The following CDH10 variants were observed in gnomAD, a reference collection of about 807,000 sequenced individuals.
CDH10 encodes the protein cadherin 10.
In CDH10, 30 loss-of-function variants were observed where a neutral mutation model predicts 73.1. The ratio of observed to expected loss-of-function variants is 0.41; its 90% CI spans 0.31 to 0.56. CDH10 has a LOEUF of 0.56. CDH10 is among the 20% of genes least tolerant of loss of function. The pLI, the probability that CDH10 is intolerant of heterozygous loss-of-function variation, is 0.27. For synonymous variants in CDH10, 345 were observed against 348.2 expected, an observed-to-expected ratio of 0.99 and a Z score of 0.10; for missense variants, 815 against 973.7, an observed-to-expected ratio of 0.84 and a Z score of 2.17.
chr5:24,637,208 A>G (rs1747893809), intron 1 of CDH10, among the ~76,000 whole-genome samples: 2 of 151,920 alleles, frequency 1.3e-5, no homozygotes, highest in Admixed American at 1.3e-4. Context: ...TGTCTTCCCA[A>G]GTTTGTCTTT....
intron 1 of CDH10, among the ~76,000 whole-genome samples, chr5:24,596,308 C>A (rs1325093870): frequency 6.6e-6 from 1 of 151,668 alleles, no homozygotes; most frequent in African/African-American, 2.4e-5. Context: ...CCAAGTGTAC[C>A]TTTTACATGG....
chr5:24,615,772 T>C (rs1747104658), intron 1 of CDH10, among the ~76,000 whole-genome samples: 1 of 152,170 alleles, frequency 6.6e-6, no homozygotes, highest in Admixed American at 6.5e-5. Context: ...TTCATAGAAA[T>C]TAAATCATAT....
intron 9 of CDH10, among the ~76,000 whole-genome samples, chr5:24,498,133 G>T (rs541806280): frequency 2.2e-4 from 33 of 152,042 alleles, no homozygotes; most frequent in Non-Finnish European, 3.8e-4. Context: ...TTTGAAAGTA[G>T]TTATTTTTTC....
intron 1 of CDH10, among the ~76,000 whole-genome samples, chr5:24,634,922 A>G (rs901664814): frequency 1.3e-5 from 2 of 151,704 alleles, no homozygotes; most frequent in African/African-American, 2.4e-5. Context: ...TATGACCTCA[A>G]TGTATGTTTT....
intron 1 of CDH10, among the ~76,000 whole-genome samples, chr5:24,619,428 C>T (rs1266423631): frequency 1.3e-5 from 2 of 152,022 alleles, no homozygotes; most frequent in South Asian, 2.1e-4. Context: ...CTCCTGACCT[C>T]GTGATCTGCC....
intron 9 of CDH10, among the ~76,000 whole-genome samples, chr5:24,493,132 C>T (rs1459566341): frequency 6.6e-6 from 1 of 151,506 alleles, no homozygotes; most frequent in Non-Finnish European, 1.5e-5. Flanking sequence ...TGGATCATAC[C>T]CTTTACTTCA....
chr5:24,605,166 A>C (rs1019990991), intron 1 of CDH10, among the ~76,000 whole-genome samples: 10 of 152,218 alleles, frequency 6.6e-5, no homozygotes, highest in Admixed American at 5.2e-4. Context: ...AATGCACACC[A>C]CTACATTAAA....
At chr5:24,536,336 G>C (rs1423662843) in intron 3 of CDH10, among the ~76,000 whole-genome samples, 3 of 152,006 alleles carry the variant, frequency 2.0e-5, no homozygotes, top group African/African-American at 7.2e-5. Flanking sequence ...TAAAGTTCAA[G>C]ATATTTAAAA....
chr5:24,641,241 G>A (rs1748040592), intron 1 of CDH10, among the ~76,000 whole-genome samples: 1 of 151,940 alleles, frequency 6.6e-6, no homozygotes, highest in African/African-American at 2.4e-5. Flanking sequence ...CTGCTCTACA[G>A]TCAGAAAAGA....
intron 2 of CDH10, among the ~76,000 whole-genome samples, chr5:24,555,637 T>G (rs1034326820): frequency 2.0e-5 from 3 of 152,082 alleles, no homozygotes; most frequent in Non-Finnish European, 4.4e-5. Context: ...ACCTGTAGCT[T>G]AATCTATTTA....
chr5:24,510,141 C>A (rs3797169), intron 6 of CDH10, among the ~76,000 whole-genome samples: 60,956 of 151,994 alleles, frequency 0.4, 13,006 homozygotes, highest in Admixed American at 0.52. Flanking sequence ...CATGTGTTTG[C>A]GTGTGAATGT....
At chr5:24,561,898 A>G (rs1227610725) in intron 2 of CDH10, among the ~76,000 whole-genome samples, 1 of 152,144 alleles carries the variant, frequency 6.6e-6, no homozygotes, top group African/African-American at 2.4e-5. Flanking sequence ...TTCTCTTCCC[A>G]CTACGAACCA....
intron 2 of CDH10, among the ~76,000 whole-genome samples, chr5:24,564,162 C>A (rs1745082167): frequency 6.6e-6 from 1 of 152,170 alleles, no homozygotes; most frequent in Admixed American, 6.5e-5. Flanking sequence ...TGGGACACTG[C>A]TTTCCCCAGA....
At chr5:24,520,272 A>G (rs936735907) in intron 5 of CDH10, among the ~76,000 whole-genome samples, 1 of 152,200 alleles carries the variant, frequency 6.6e-6, no homozygotes, top group African/African-American at 2.4e-5. Flanking sequence ...ATAATCACAC[A>G]TCTCAATGTA....
chr5:24,504,506 C>CAGTTTTTTTTT lies in CDH10; in HGVS notation c.1393+605_1393+606insAAAAAAAAACT, dbSNP rs1364605864. On this transcript the variant is annotated intron_variant, in intron 8 of 11. Transcript: ENST00000264463. Reference sequence around the variant, plus strand: ...TATTAAATGCTTTTCTCCTATTAATCTTTTTTTTTTTTTTTTTTTTTTTTT... The same window carrying CAGTTTTTTTTT: ...TATTAAATGCTTTTCTCCTATTAATCAGTTTTTTTTTTTTTTTTTTTTTTTTTTTTTTTTTT... Among the ~76,000 whole-genome samples, 2 of 65,206 alleles carry CAGTTTTTTTTT rather than the reference C, an allele frequency of 3.1e-5. 1 individual carries two copies. The highest frequency in any genetic ancestry group is 5.9e-5 in the Non-Finnish European group (2 of 33,976). The allele number at this position is 65,206 out of a possible 152,430, so 42.8% of individuals were successfully genotyped here.
At chr5:24,587,349 T>A (rs1746058714) in intron 2 of CDH10, among the ~76,000 whole-genome samples, 1 of 152,190 alleles carries the variant, frequency 6.6e-6, no homozygotes, top group African/African-American at 2.4e-5. Context: ...TTCATTTACT[T>A]TATAGAAAAG....
rs1250845228 is a variant in CDH10 at position 24,488,131 on chromosome 5, A to G, written c.1899T>C (p.Ala633=). 5.6e-6 allele frequency: 9 copies of G among 1,611,344 alleles called. No individual in the cohort carries two copies. Among genetic ancestry groups the G allele is most frequent in the Non-Finnish European group, 7.6e-6 (9 of 1,178,940 alleles). The change falls in exon 12 of 12, where the codon GCT becomes GCC. Residue 633 remains alanine, a synonymous_variant. Coordinates refer to ENST00000264463, the MANE Select transcript of CDH10 (RefSeq NM_006727.5). ...ILLVIVVLFA[A]LKRQRKKEPL... ...GCTCTTTTTTTCGCTGTCTTTTCAG[A>G]GCTGCAAACAGTACTACTATAACTT... is the stretch of plus-strand genomic sequence containing the variant.
At chr5:24,567,477 A>C (rs1406421353) in intron 2 of CDH10, among the ~76,000 whole-genome samples, 1 of 151,992 alleles carries the variant, frequency 6.6e-6, no homozygotes, top group Non-Finnish European at 1.5e-5. Flanking sequence ...ACAGGAATGA[A>C]CCACTGATTA....
rs188817994 is a variant in CDH10, at chr5:24,573,479, A to T, written c.231+19781T>A. 5.5e-4 allele frequency among the ~76,000 whole-genome samples: 84 copies of T among 152,126 alleles called. No individual in the cohort carries two copies. In the East Asian group the frequency reaches 0.015, roughly 27 times the overall value. ...CACTTTGGGAGGCCGAGGCAGGCAG[A>T]TCACGAGGTCAGGAGATTGAGACCA... On this transcript the variant is annotated intron_variant, in intron 2 of 11. Coordinates refer to ENST00000264463, the MANE Select transcript of CDH10 (RefSeq NM_006727.5).
Sources: gnomAD v4.1 joint callset for allele counts (sites outside exome capture counted in the v4.1 genomes callset) on GRCh38, gnomAD v4.1.1 for gene constraint, MANE v1.5 for transcripts, NCBI Gene and HGNC (gene_info 2026-07-23, HGNC 2026-07-21) for gene names.